The following MOB3B variants were observed in gnomAD, a reference collection of about 807,000 sequenced individuals.
The protein encoded by MOB3B is MOB kinase activator 3B, also known as MOB kinase activator-like 2B.
In MOB3B, 7 loss-of-function variants were observed where a neutral mutation model predicts 18.7. The ratio of observed to expected loss-of-function variants is 0.37; its 90% confidence interval spans 0.21 to 0.70. The LOEUF is 0.70. Ranked by LOEUF, MOB3B falls within the 30% of genes least tolerant of loss-of-function variation. The pLI is 0.52. For synonymous variants in MOB3B, 111 were observed against 99.9 expected (o/e 1.11, Z -0.66); for missense variants, 253 against 281.3 (o/e 0.90, Z 0.72).
intron 2 of MOB3B, among the ~76,000 whole-genome samples, chr9:27,449,140 A>G (rs1447400446): frequency 6.6e-6 from 1 of 152,224 alleles, no homozygotes; most frequent in Non-Finnish European, 1.5e-5. Flanking sequence ...GAGCCTAAAG[A>G]AATACTGGAA....
At chr9:27,426,926 AT>A (rs1413930873) in intron 2 of MOB3B, among the ~76,000 whole-genome samples, 1 of 152,160 alleles carries the variant, frequency 6.6e-6, no homozygotes, top group Non-Finnish European at 1.5e-5. Flanking sequence ...GGGATGCTTG[AT>A]TTTTCTTGCA....
At chr9:27,504,924 G>A (rs140721177) in intron 1 of MOB3B, among the ~76,000 whole-genome samples, 259 of 152,022 alleles carry the variant, frequency 1.7e-3, no homozygotes, top group African/African-American at 6.0e-3. Context: ...TGCATTCCTT[G>A]ACTTGTGGCC....
chr9:27,363,426 G>A (rs919513541), intron 2 of MOB3B, among the ~76,000 whole-genome samples: 55 of 152,060 alleles, frequency 3.6e-4, no homozygotes, highest in African/African-American at 1.3e-3. Context: ...CCGCCGCCAC[G>A]CCCGGCTAAT....
At chr9:27,494,092 C>T (rs1478627594) in intron 1 of MOB3B, among the ~76,000 whole-genome samples, 1 of 152,148 alleles carries the variant, frequency 6.6e-6, no homozygotes, top group Non-Finnish European at 1.5e-5. Flanking sequence ...GTGAAATAGA[C>T]CCCAGTCTCC....
chr9:27,335,429 A>C (rs1820849426), intron 3 of MOB3B, among the ~76,000 whole-genome samples: 1 of 152,176 alleles, frequency 6.6e-6, no homozygotes, highest in Admixed American at 6.5e-5. Flanking sequence ...CATTGATTCG[A>C]AAGAGGCAAT....
intron 3 of MOB3B, among the ~76,000 whole-genome samples, chr9:27,336,559 G>A (rs932565540): frequency 3.9e-5 from 6 of 152,096 alleles, no homozygotes; most frequent in East Asian, 1.9e-4. Flanking sequence ...TGTTATATAC[G>A]TGAACTCCTG....
intron 3 of MOB3B, among the ~76,000 whole-genome samples, chr9:27,346,714 G>A (rs1453595744): frequency 6.6e-6 from 1 of 152,164 alleles, no homozygotes; most frequent in Non-Finnish European, 1.5e-5. Context: ...ACCATTAGAG[G>A]CCGGGTGCGG....
At chr9:27,362,705 A>G (rs952191990) in intron 2 of MOB3B, among the ~76,000 whole-genome samples, 1 of 152,214 alleles carries the variant, frequency 6.6e-6, no homozygotes, top group Non-Finnish European at 1.5e-5. Flanking sequence ...AGCCTAGGAA[A>G]CCCCACTGGG....
At chr9:27,377,140 A>T (rs1286082175) in intron 2 of MOB3B, among the ~76,000 whole-genome samples, 2 of 152,232 alleles carry the variant, frequency 1.3e-5, no homozygotes, top group East Asian at 3.9e-4. Context: ...TCCAAAAGGT[A>T]GAACTTGATA....
intron 2 of MOB3B, among the ~76,000 whole-genome samples, chr9:27,361,015 T>C (rs913741225): frequency 2.6e-5 from 4 of 151,860 alleles, no homozygotes; most frequent in Admixed American, 6.6e-5. Flanking sequence ...TGGGGGCGGG[T>C]CTGGAGTCTT....
intron 1 of MOB3B, among the ~76,000 whole-genome samples, chr9:27,521,520 T>C (rs555719295): frequency 1.3e-5 from 2 of 152,296 alleles, no homozygotes; most frequent in South Asian, 2.1e-4. Context: ...CCAACACTTA[T>C]ACAATTATCT....
At chr9:27,384,992 G>A (rs184895721) in intron 2 of MOB3B, among the ~76,000 whole-genome samples, 22 of 152,294 alleles carry the variant, frequency 1.4e-4, no homozygotes, top group Middle Eastern at 3.4e-3. Flanking sequence ...AGAGGAAGCA[G>A]GATGAACATT....
intron 1 of MOB3B, among the ~76,000 whole-genome samples, chr9:27,483,614 C>G (rs2131480645): frequency 6.6e-6 from 1 of 152,296 alleles, no homozygotes; most frequent in Admixed American, 6.5e-5. Context: ...GAATGACATA[C>G]TTACAGTCAA....
Position 27,409,958 on chromosome 9 carries a change from T to C in MOB3B, c.418+45175A>G, listed in dbSNP as rs139672260. Among the ~76,000 whole-genome samples, 22 of 152,292 alleles carry C rather than the reference T, an allele frequency of 1.4e-4. 1 individual carries two copies. In the East Asian group the frequency reaches 4.2e-3, roughly 29 times the overall value. ...GGATGAAGAGTCATTATTTAATGTA[T>C]GCAGAGTTTCAGTTTGCAGTGATGA... On this transcript the variant is annotated intron_variant, in intron 2 of 3. Transcript: ENST00000262244.
At chr9:27,416,724 C>G (rs907820545) in intron 2 of MOB3B, among the ~76,000 whole-genome samples, 1 of 151,450 alleles carries the variant, frequency 6.6e-6, no homozygotes, top group East Asian at 1.9e-4. Context: ...TTTGTAGAGG[C>G]AGGATCTTGC....
intron 2 of MOB3B, among the ~76,000 whole-genome samples, chr9:27,419,904 A>C (rs1822213468): frequency 6.6e-6 from 1 of 152,240 alleles, no homozygotes; most frequent in Non-Finnish European, 1.5e-5. Flanking sequence ...CAATCTATAC[A>C]TCTGACAAAA....
At chr9:27,458,415 G>A (rs550971260) in intron 1 of MOB3B, among the ~76,000 whole-genome samples, 1 of 151,940 alleles carries the variant, frequency 6.6e-6, no homozygotes, top group Admixed American at 6.5e-5. Flanking sequence ...ATAAAGCCTT[G>A]CGTGGACTGG....
rs912087606 is a variant in MOB3B at position 27,329,113 on chromosome 9, T to G, written c.*1474A>C. The stretch of plus-strand genomic sequence containing the variant: ...ACAGAGGGCTTTAACACATTATGAT[T>G]GATAAAACAAAATCAGAGTCATTTA... On this transcript the variant is annotated 3_prime_UTR_variant, in exon 4 of 4. Transcript: ENST00000262244. 2 of 152,248 alleles carry G rather than the reference T, an allele frequency of 1.3e-5. No individual in the cohort carries two copies. Among genetic ancestry groups the G allele is most frequent in the Non-Finnish European group, 2.9e-5 (2 of 68,042 alleles). The allele number at this position is 152,248 out of a possible 1,614,324, so 9.4% of individuals were successfully genotyped here. A position where few individuals can be genotyped will look rare whatever the true frequency, so the allele number is the denominator to read the frequency against.
intron 2 of MOB3B, among the ~76,000 whole-genome samples, chr9:27,408,326 A>G (rs1377935413): frequency 6.6e-6 from 1 of 152,174 alleles, no homozygotes; most frequent in Non-Finnish European, 1.5e-5. Flanking sequence ...CTTCCTCAGA[A>G]AAATCTGCTT....
Sources: gnomAD v4.1 joint callset for allele counts (sites outside exome capture counted in the v4.1 genomes callset) on GRCh38, gnomAD v4.1.1 for gene constraint, MANE v1.5 for transcripts, NCBI Gene and HGNC (gene_info 2026-07-23, HGNC 2026-07-21) for gene names.